Variants in TOX observed in about 807,000 individuals in gnomAD.
TOX encodes the protein thymocyte selection associated high mobility group box, also known as thymocyte selection-associated high mobility group box protein TOX.
A neutral mutation model predicts 53.7 loss-of-function variants in TOX; 11 were observed. That is an observed-to-expected ratio of 0.20 (90% CI 0.13 to 0.34). The LOEUF (loss-of-function observed/expected upper bound fraction) is 0.34, where lower values mean the gene tolerates loss of function less well. TOX is among the 10% of genes least tolerant of loss of function. TOX has a pLI of 1.00. For missense variants in TOX, 570 were observed against 664.6 expected, an observed-to-expected ratio of 0.86 and a Z score of 1.56; for synonymous variants, 225 against 245.3, an observed-to-expected ratio of 0.92 and a Z score of 0.77.
At chr8:58,825,405 C>T (rs905013876) in intron 6 of TOX, among the ~76,000 whole-genome samples, 2 of 152,168 alleles carry the variant, frequency 1.3e-5, no homozygotes, top group Non-Finnish European at 2.9e-5. Context: ...CCGTACACTG[C>T]GGGTTGCAAC....
intron 1 of TOX, among the ~76,000 whole-genome samples, chr8:59,042,759 A>G (rs1362448980): frequency 6.6e-6 from 1 of 152,212 alleles, no homozygotes; most frequent in Non-Finnish European, 1.5e-5. Flanking sequence ...GAACTTTAAC[A>G]TGGGTATTAA....
chr8:58,921,394 C>T (rs111996552), intron 3 of TOX, among the ~76,000 whole-genome samples: 4 of 152,162 alleles, frequency 2.6e-5, no homozygotes, highest in Non-Finnish European at 1.5e-5. Flanking sequence ...AAAAACAGTT[C>T]TTTAAGACAC....
intron 1 of TOX, among the ~76,000 whole-genome samples, chr8:58,981,965 C>T (rs1452207845): frequency 1.3e-5 from 2 of 152,126 alleles, no homozygotes; most frequent in African/African-American, 2.4e-5. Context: ...ACAAACAAAA[C>T]AAAACAAAAT....
chr8:58,908,413 C>A (rs1749876370), intron 3 of TOX, among the ~76,000 whole-genome samples: 1 of 152,176 alleles, frequency 6.6e-6, no homozygotes, highest in Non-Finnish European at 1.5e-5. Context: ...CCCAAACCTG[C>A]TGTTCTTACC....
chr8:59,107,872 TTAAC>T (rs1161494805), intron 1 of TOX, among the ~76,000 whole-genome samples: 1 of 152,168 alleles, frequency 6.6e-6, no homozygotes, highest in Non-Finnish European at 1.5e-5. Flanking sequence ...ATAGATGTGT[TTAAC>T]TATTTGGTAT....
rs116154462 is a variant in TOX, at chr8:58,872,610, A to G, written c.412-20805T>C. Among the ~76,000 whole-genome samples the G allele has an allele frequency of 2.3e-3, 346 of 152,214 alleles. 5 individuals are homozygous for G. Among genetic ancestry groups the G allele is most frequent in the African/African-American group, 7.8e-3 (325 of 41,550 alleles). ...ATGAGAATGGCACTTTACCTCTATC[A>G]TTTTCCCCCCAATAGTACATTACCT... is the stretch of plus-strand genomic sequence containing the variant. On this transcript the variant is annotated intron_variant, in intron 3 of 8. Coordinates refer to ENST00000361421, the MANE Select transcript of TOX (RefSeq NM_014729.3).
At chr8:58,960,675 A>C (rs10092016) in intron 1 of TOX, among the ~76,000 whole-genome samples, 5,647 of 152,340 alleles carry the variant, frequency 0.037, 359 homozygotes, top group African/African-American at 0.13. Flanking sequence ...ATTCATACGC[A>C]AATTTTCAAG....
At chr8:59,007,053 A>C in intron 1 of TOX, among the ~76,000 whole-genome samples, 1 of 152,180 alleles carries the variant, frequency 6.6e-6, no homozygotes, top group East Asian at 1.9e-4. Flanking sequence ...TTGTCTGCAA[A>C]GTTTAAGAGA....
chr8:59,087,525 C>T (rs189812097), intron 1 of TOX, among the ~76,000 whole-genome samples: 1 of 152,192 alleles, frequency 6.6e-6, no homozygotes, highest in Non-Finnish European at 1.5e-5. Context: ...GTCTGTCCCC[C>T]CCTTTACTCT....
Position 58,806,225 on chromosome 8 carries a change from G to A in TOX, c.*1522C>T, listed in dbSNP as rs965699646. ...GTAGCTTGTAGAGGCACAAAAGACA[G>A]CAAGAATCTCAATTTCTATCAACAG... On this transcript the variant is annotated 3_prime_UTR_variant, in exon 9 of 9. Transcript: ENST00000361421. 2 of 152,200 alleles carry A rather than the reference G, an allele frequency of 1.3e-5. No individual in the cohort carries two copies. The highest frequency in any genetic ancestry group is 4.8e-5 in the African/African-American group (2 of 41,450). The allele number at this position is 152,200 out of a possible 1,614,324, so 9.4% of individuals were successfully genotyped here. A position where few individuals can be genotyped will look rare whatever the true frequency, so the allele number is the denominator to read the frequency against.
chr8:58,998,536 T>TATAAAA (rs1813620329), intron 1 of TOX, among the ~76,000 whole-genome samples: 1 of 37,756 alleles, frequency 2.6e-5, no homozygotes, highest in Non-Finnish European at 4.3e-5. Flanking sequence ...TATATATATA[T>TATAAAA]ATAAATTTAT....
chr8:58,904,388 G>A (rs538387918), intron 3 of TOX, among the ~76,000 whole-genome samples: 17 of 152,066 alleles, frequency 1.1e-4, no homozygotes, highest in Middle Eastern at 3.4e-3. Flanking sequence ...AATATTTGTC[G>A]TTAGATTGTT....
At chr8:59,098,289 G>A (rs1400485057) in intron 1 of TOX, among the ~76,000 whole-genome samples, 2 of 152,162 alleles carry the variant, frequency 1.3e-5, no homozygotes, top group East Asian at 3.8e-4. Flanking sequence ...TTTAAGTACA[G>A]TGTCAGAAAT....
intron 1 of TOX, among the ~76,000 whole-genome samples, chr8:59,054,947 A>AAG (rs149579438): frequency 0.11 from 15,063 of 141,222 alleles, 1,855 homozygotes; most frequent in East Asian, 0.6. Flanking sequence ...AGAAAGGAAA[A>AAG]AGAGAGGAGG....
At chr8:58,886,424 C>T (rs1811469307) in intron 3 of TOX, among the ~76,000 whole-genome samples, 2 of 152,032 alleles carry the variant, frequency 1.3e-5, no homozygotes, top group Non-Finnish European at 2.9e-5. Context: ...GGATGCCTTC[C>T]TTGCTGAGAC....
At chr8:59,112,159 T>C (rs1307747170) in intron 1 of TOX, among the ~76,000 whole-genome samples, 1 of 152,210 alleles carries the variant, frequency 6.6e-6, no homozygotes, top group African/African-American at 2.4e-5. Flanking sequence ...CCCTCCCTTC[T>C]CGTCTTTTCT....
In TOX at chr8:58,851,156, C is replaced by G. The variant is rs1424122824; in HGVS notation, c.693+368G>C. Among the ~76,000 whole-genome samples the G allele has an allele frequency of 7.7e-6, 1 of 129,984 alleles. No individual in the cohort carries two copies. Among genetic ancestry groups the G allele is most frequent in the African/African-American group, 3.6e-5 (1 of 27,774 alleles). 85.3% of individuals were successfully genotyped at this position (129,984 alleles called of 152,430 possible). Reference sequence around the variant, plus strand: ...ATCACCATACATCTCCTCTCTCTCTCTGTCTCTCTCTCTCTCTCTCTCTCT... The same window carrying G: ...ATCACCATACATCTCCTCTCTCTCTGTGTCTCTCTCTCTCTCTCTCTCTCT... On this transcript the variant is annotated intron_variant, in intron 4 of 8. Coordinates refer to ENST00000361421, the MANE Select transcript of TOX (RefSeq NM_014729.3). This position sits in a 1 kb window ranked among gnomAD's most constrained non-coding sequence, Gnocchi z 4.4.
intron 5 of TOX, among the ~76,000 whole-genome samples, chr8:58,835,352 C>A (rs554853119): frequency 2.6e-5 from 4 of 152,202 alleles, no homozygotes; most frequent in Admixed American, 2.6e-4. Flanking sequence ...GTAATTATAT[C>A]CACATTAGGG....
chr8:58,914,662 G>C, intron 3 of TOX, among the ~76,000 whole-genome samples: 1 of 152,166 alleles, frequency 6.6e-6, no homozygotes, highest in Non-Finnish European at 1.5e-5. Context: ...AACCAAAAAT[G>C]TCAATAATGC....
Sources: gnomAD v4.1 joint callset for allele counts (sites outside exome capture counted in the v4.1 genomes callset) on GRCh38, gnomAD v4.1.1 for gene constraint, Gnocchi (gnomAD v3.1) non-coding constraint, MANE v1.5 for transcripts, NCBI Gene and HGNC (gene_info 2026-07-23, HGNC 2026-07-21) for gene names.